The following COL5A2 variants were observed in gnomAD, a reference collection of about 807,000 sequenced individuals.
COL5A2 encodes the protein collagen type V alpha 2 chain.
Under a neutral mutation model 208.2 loss-of-function variants are expected in COL5A2, and 23 were observed. The observed-to-expected ratio is 0.11, with a 90% confidence interval of 0.08 to 0.16. The LOEUF (loss-of-function observed/expected upper bound fraction) is 0.16, where lower values mean the gene tolerates loss of function less well. COL5A2 is among the 10% of genes least tolerant of loss of function. The pLI is 1.00. For synonymous variants in COL5A2, 625 were observed against 628.5 expected (o/e 0.99, Z 0.08); for missense variants, 1,590 against 1,956.4 (o/e 0.81, Z 3.53).
chr2:189,195,081 A>T (rs1688982883), intron 1 of COL5A2, among the ~76,000 whole-genome samples: 1 of 152,204 alleles, frequency 6.6e-6, no homozygotes, highest in African/African-American at 2.4e-5. Context: ...CCATTGTCTC[A>T]GCCCCAAAAC....
the COL5A2 span, among the ~76,000 whole-genome samples, chr2:189,279,795 C>T: frequency 2.0e-5 from 3 of 152,018 alleles, no homozygotes; most frequent in Non-Finnish European, 4.4e-5. Context: ...CAAGAGAAAA[C>T]TTGAAATTAT....
chr2:189,053,104 A>G (rs1274259486), intron 38 of COL5A2, 86 bp from the exon 39 acceptor site: 5 of 1,079,616 alleles, frequency 4.6e-6, no homozygotes, highest in Non-Finnish European at 6.9e-6. Flanking sequence ...GTATCAATTA[A>G]TCATATATTG....
chr2:189,051,217 G>T, intron 42 of COL5A2, 103 bp downstream of exon 42: 1 of 1,453,110 alleles, frequency 6.9e-7, no homozygotes, highest in Non-Finnish European at 9.6e-7. Flanking sequence ...TTAGGAATGT[G>T]CCCAGCATAA....
intron 1 of COL5A2, among the ~76,000 whole-genome samples, chr2:189,179,258 C>T (rs1316129912): frequency 6.6e-6 from 1 of 152,160 alleles, no homozygotes; most frequent in African/African-American, 2.4e-5. Flanking sequence ...TCACACTCAG[C>T]CAAAAGGACT....
the COL5A2 span, among the ~76,000 whole-genome samples, chr2:189,288,360 G>T: frequency 3.9e-5 from 6 of 152,128 alleles, no homozygotes; most frequent in South Asian, 2.1e-4. Flanking sequence ...AGTAAAGAAT[G>T]ATGTATTTTC....
At chr2:189,066,545 G>A in intron 22 of COL5A2, 48 bp from the exon 23 acceptor site, 1 of 1,565,184 alleles carries the variant, frequency 6.4e-7, no homozygotes, top group Non-Finnish European at 8.8e-7. Flanking sequence ...TCCAACCAGT[G>A]AATTATAGTT....
At chr2:189,411,452 T>A in the COL5A2 span, among the ~76,000 whole-genome samples, 1 of 152,178 alleles carries the variant, frequency 6.6e-6, no homozygotes, top group African/African-American at 2.4e-5. Flanking sequence ...GAAAAGAAAG[T>A]AGTTAGGTGT....
the COL5A2 span, among the ~76,000 whole-genome samples, chr2:189,265,208 TC>T: frequency 1.3e-5 from 2 of 152,118 alleles, no homozygotes; most frequent in African/African-American, 4.8e-5. Flanking sequence ...TTATGTGACA[TC>T]AAAAGAACAA....
the COL5A2 span, among the ~76,000 whole-genome samples, chr2:189,339,874 C>G: frequency 6.6e-6 from 1 of 152,112 alleles, no homozygotes; most frequent in Non-Finnish European, 1.5e-5. Context: ...TCAGATAAGA[C>G]AAATATAAGT....
chr2:189,060,637 T>C, intron 31 of COL5A2, 93 bp downstream of exon 31: 2 of 1,043,704 alleles, frequency 1.9e-6, no homozygotes, highest in Non-Finnish European at 3.0e-6. Context: ...AGATAATGTA[T>C]GTAAAGGAAA....
the COL5A2 span, among the ~76,000 whole-genome samples, chr2:189,408,214 C>T: frequency 6.6e-6 from 1 of 152,090 alleles, no homozygotes; most frequent in Non-Finnish European, 1.5e-5. Flanking sequence ...TATATGAATA[C>T]AAAACTTCAG....
At chr2:189,095,548 C>T (rs1026521330) in intron 6 of COL5A2, among the ~76,000 whole-genome samples, 2 of 151,844 alleles carry the variant, frequency 1.3e-5, no homozygotes, top group Non-Finnish European at 1.5e-5. Context: ...CACTTATACC[C>T]AATTCACATT....
At position 189,191,153 on chromosome 2, in the gene COL5A2, A is replaced by AC. The variant is rs61329838; in HGVS notation, c.-42+33994_-42+33995insG. Among the ~76,000 whole-genome samples the AC allele has an allele frequency of 3.4e-4, 18 of 53,382 alleles. No individual in the cohort carries two copies. In the East Asian group the frequency reaches 4.0e-3, roughly 12 times the overall value. 35.0% of individuals were successfully genotyped at this position (53,382 alleles called of 152,430 possible). ...TTAGGGAAACCATAAAAAAAAAAACAAAAAACAAACAAACAACAAAAAACA... is the reference window on the plus strand; with the variant it reads ...TTAGGGAAACCATAAAAAAAAAAACACAAAAACAAACAAACAACAAAAAACA... On this transcript the variant is annotated intron_variant, in intron 1 of 10. Transcript: ENST00000649966.
the COL5A2 span, among the ~76,000 whole-genome samples, chr2:189,376,953 A>C: frequency 6.6e-6 from 1 of 152,308 alleles, no homozygotes; most frequent in East Asian, 1.9e-4. Context: ...ATTTTGTTAG[A>C]ATTATAAAAT....
chr2:189,324,265 C>T, the COL5A2 span, among the ~76,000 whole-genome samples: 11 of 152,284 alleles, frequency 7.2e-5, no homozygotes, highest in African/African-American at 2.6e-4. Flanking sequence ...GCAAGGATTT[C>T]ATGTCTAAAA....
At chr2:189,360,491 CCATT>C in the COL5A2 span, among the ~76,000 whole-genome samples, 1 of 151,914 alleles carries the variant, frequency 6.6e-6, no homozygotes, top group African/African-American at 2.4e-5. Context: ...CTTCATTGAC[CCATT>C]CATTATTAGA....
chr2:189,282,491 T>C, the COL5A2 span, among the ~76,000 whole-genome samples: 1 of 152,194 alleles, frequency 6.6e-6, no homozygotes, highest in Non-Finnish European at 1.5e-5. Context: ...TTCCAGCTTC[T>C]CTGATGCAGT....
At chr2:189,166,791 G>A (rs780680470) in intron 1 of COL5A2, among the ~76,000 whole-genome samples, 2 of 152,102 alleles carry the variant, frequency 1.3e-5, no homozygotes, top group Non-Finnish European at 2.9e-5. Context: ...ATCTTAAAAG[G>A]CAAATTACCA....
intron 1 of COL5A2, among the ~76,000 whole-genome samples, chr2:189,114,256 T>C (rs1278331023): frequency 6.6e-6 from 1 of 152,182 alleles, no homozygotes; most frequent in African/African-American, 2.4e-5. Context: ...CAGTGAACTC[T>C]CATTGTCCAT....
Sources: gnomAD v4.1 joint callset for allele counts (sites outside exome capture counted in the v4.1 genomes callset) on GRCh38, gnomAD v4.1.1 for gene constraint, MANE v1.5 for transcripts, NCBI Gene and HGNC (gene_info 2026-07-23, HGNC 2026-07-21) for gene names.